Variants in DPP10 observed in about 807,000 individuals in gnomAD.
DPP10 encodes the protein inactive dipeptidyl peptidase 10.
DPP10 carries 33 observed loss-of-function variants against 120.9 expected under a neutral mutation model. That is an observed-to-expected ratio of 0.27 (90% CI 0.21 to 0.37). The LOEUF is 0.37. Among genes scored for constraint, DPP10 ranks in the 10% least tolerant of loss-of-function variants. The pLI, the probability that DPP10 is intolerant of heterozygous loss-of-function variation, is 1.00. For missense variants in DPP10, 816 were observed against 942.8 expected, an observed-to-expected ratio of 0.87 and a Z score of 1.76; for synonymous variants, 337 against 326.1, an observed-to-expected ratio of 1.03 and a Z score of -0.36.
At chr2:115,788,243 T>C (rs1245814675) in intron 17 of DPP10, among the ~76,000 whole-genome samples, 1 of 152,096 alleles carries the variant, frequency 6.6e-6, no homozygotes, top group Admixed American at 6.5e-5. Flanking sequence ...CAGATCCCAA[T>C]TTAGGGGTTA....
intron 1 of DPP10, 77 bp downstream of exon 1, chr2:114,442,915 G>T (rs1451010107): frequency 6.4e-7 from 1 of 1,564,278 alleles, no homozygotes; most frequent in Non-Finnish European, 8.7e-7. Flanking sequence ...TTGATATATC[G>T]GGGTACTGAC....
chr2:115,142,366 A>G (rs573875051), intron 1 of DPP10, among the ~76,000 whole-genome samples: 8 of 152,252 alleles, frequency 5.3e-5, no homozygotes, highest in Admixed American at 3.3e-4. Flanking sequence ...CCAGAGCCCA[A>G]GGTTTTAAAT....
chr2:115,692,867 G>A (rs1388100998), intron 7 of DPP10, among the ~76,000 whole-genome samples: 2 of 151,822 alleles, frequency 1.3e-5, no homozygotes. Context: ...AGTGAAATAG[G>A]GTAATTATAA....
At chr2:114,724,281 C>A (rs1701899216) in intron 1 of DPP10, among the ~76,000 whole-genome samples, 1 of 152,238 alleles carries the variant, frequency 6.6e-6, no homozygotes, top group African/African-American at 2.4e-5. Context: ...ATGCCACACA[C>A]TGGACACCAT....
At chr2:114,905,762 G>T (rs1693913508) in intron 1 of DPP10, among the ~76,000 whole-genome samples, 1 of 152,068 alleles carries the variant, frequency 6.6e-6, no homozygotes, top group Admixed American at 6.5e-5. Flanking sequence ...TGCCCAGACT[G>T]GTCTTGAACT....
intron 1 of DPP10, among the ~76,000 whole-genome samples, chr2:114,936,471 A>AT (rs1486516089): frequency 6.6e-6 from 1 of 151,544 alleles, no homozygotes; most frequent in Non-Finnish European, 1.5e-5. Flanking sequence ...AAACATATAT[A>AT]TTTTTTTATC....
rs2060338377 is a variant in DPP10, at chr2:115,285,787, T to A, written c.61-23452T>A. On this transcript the variant is annotated intron_variant, in intron 1 of 25. Transcript: ENST00000410059. ...GAACAATTGGGTTGTGGTTTTCAAG[T>A]TTAATTACATTAGAGCTGCTTCTTT... 2.6e-5 allele frequency among the ~76,000 whole-genome samples: 4 copies of A among 152,020 alleles called. No homozygotes were observed. In the South Asian group the frequency reaches 8.3e-4, roughly 32 times the overall value.
chr2:114,775,741 C>G (rs971736925), intron 1 of DPP10, among the ~76,000 whole-genome samples: 1 of 152,194 alleles, frequency 6.6e-6, no homozygotes, highest in Non-Finnish European at 1.5e-5. Flanking sequence ...AATGTCACCA[C>G]TCTTTGTTCA....
At chr2:115,228,750 TACA>T (rs1574084952) in intron 1 of DPP10, among the ~76,000 whole-genome samples, 1 of 152,266 alleles carries the variant, frequency 6.6e-6, no homozygotes, top group Admixed American at 6.5e-5. Context: ...TGTGTATAAG[TACA>T]ACAATTTCTT....
intron 2 of DPP10, among the ~76,000 whole-genome samples, chr2:115,341,244 C>A (rs2063427830): frequency 6.6e-6 from 1 of 151,982 alleles, no homozygotes; most frequent in Non-Finnish European, 1.5e-5. Context: ...ACATGTAATA[C>A]CCAGGGTTTT....
chr2:114,975,368 T>G (rs957386519), intron 1 of DPP10, among the ~76,000 whole-genome samples: 2 of 152,154 alleles, frequency 1.3e-5, no homozygotes, highest in Non-Finnish European at 2.9e-5. Flanking sequence ...CACATTATTT[T>G]GCAAACATTT....
intron 1 of DPP10, among the ~76,000 whole-genome samples, chr2:114,483,127 G>A (rs1212444075): frequency 1.3e-5 from 2 of 152,072 alleles, no homozygotes; most frequent in African/African-American, 4.8e-5. Context: ...TAACAGAATT[G>A]GTTGAATATT....
chr2:115,139,050 C>T (rs1192202670), intron 1 of DPP10, among the ~76,000 whole-genome samples: 3 of 152,148 alleles, frequency 2.0e-5, no homozygotes, highest in African/African-American at 7.2e-5. Flanking sequence ...AGTCTTCATT[C>T]CTCCTCCAAG....
rs1558792174 is a variant in DPP10 at position 114,835,041 on chromosome 2, C to CAGCCATATCTACACACCTATGTACATATA, written c.60+392226_60+392227insCATATAAGCCATATCTACACACCTATGTA. Reference sequence around the variant, plus strand: ...CATATCTACACACCTATGTACATATCAGCCATATCTACACACCTATGTATA... The same window carrying CAGCCATATCTACACACCTATGTACATATA: ...CATATCTACACACCTATGTACATATCAGCCATATCTACACACCTATGTACATATAAGCCATATCTACACACCTATGTATA... On this transcript the variant is annotated intron_variant, in intron 1 of 25. Transcript: ENST00000410059. The CAGCCATATCTACACACCTATGTACATATA allele has an allele frequency of 7.4e-4, 75 of 101,232 alleles. 1 individual carries two copies. Among genetic ancestry groups the CAGCCATATCTACACACCTATGTACATATA allele is most frequent in the South Asian group, 1.6e-3 (5 of 3,052 alleles). 6.3% of individuals were successfully genotyped at this position (101,232 alleles called of 1,614,324 possible). A position where few individuals can be genotyped will look rare whatever the true frequency, so the allele number is the denominator to read the frequency against.
chr2:115,693,973 T>C (rs895456590), intron 7 of DPP10, among the ~76,000 whole-genome samples: 26 of 152,194 alleles, frequency 1.7e-4, no homozygotes, highest in Admixed American at 5.2e-4. Context: ...AAATCTGTTT[T>C]CATATGAATT....
chr2:115,015,880 C>G (rs1437991533), intron 1 of DPP10, among the ~76,000 whole-genome samples: 1 of 152,264 alleles, frequency 6.6e-6, no homozygotes, highest in East Asian at 1.9e-4. Flanking sequence ...ACATTCCATG[C>G]TCATGGATAG....
chr2:115,300,356 AAC>A (rs2061071312), intron 1 of DPP10, among the ~76,000 whole-genome samples: 1 of 152,088 alleles, frequency 6.6e-6, no homozygotes, highest in African/African-American at 2.4e-5. Context: ...TATTCCCCTT[AAC>A]ACAGTGTTTT....
chr2:114,668,638 C>T (rs1464926568), intron 1 of DPP10, among the ~76,000 whole-genome samples: 1 of 152,088 alleles, frequency 6.6e-6, no homozygotes, highest in Admixed American at 6.6e-5. Context: ...GAAAAGTAGC[C>T]TAAGGTAAAA....
intron 7 of DPP10, among the ~76,000 whole-genome samples, chr2:115,705,715 C>T (rs1399367045): frequency 1.3e-5 from 2 of 151,800 alleles, no homozygotes; most frequent in African/African-American, 4.8e-5. Flanking sequence ...TGTTGTTTAC[C>T]TCATTCATCT....
Sources: allele counts gnomAD v4.1 joint callset (sites outside exome capture counted in the v4.1 genomes callset), GRCh38; gene constraint gnomAD v4.1.1; transcripts MANE v1.5; gene names NCBI Gene and HGNC (gene_info 2026-07-23, HGNC 2026-07-21).